Variants in NUP210 observed in about 807,000 individuals in gnomAD.
NUP210 encodes the protein nucleoporin 210, also known as nuclear pore membrane glycoprotein 210.
A neutral mutation model predicts 196.0 loss-of-function variants in NUP210; 151 were observed. That is an observed-to-expected ratio of 0.77 (90% CI 0.67 to 0.88). The LOEUF (loss-of-function observed/expected upper bound fraction) is 0.88. Among genes scored for constraint, NUP210 ranks in the 40% least tolerant of loss-of-function variants. NUP210 has a pLI of 0.00. For synonymous variants in NUP210, 1,070 were observed against 1,052.7 expected, an observed-to-expected ratio of 1.02 and a Z score of -0.32; for missense variants, 2,314 against 2,493.7, an observed-to-expected ratio of 0.93 and a Z score of 1.53.
At chr3:13,409,333 A>C (rs1346023422) in intron 1 of NUP210, among the ~76,000 whole-genome samples, 1 of 152,172 alleles carries the variant, frequency 6.6e-6, no homozygotes, top group Non-Finnish European at 1.5e-5. Flanking sequence ...ATGATGTCTG[A>C]GCCCTCATGG....
chr3:13,352,004 G>A (rs1391683039), intron 19 of NUP210, 24 bp from the exon 20 acceptor site: 3 of 1,607,138 alleles, frequency 1.9e-6, no homozygotes, highest in Non-Finnish European at 2.6e-6. Flanking sequence ...ATGCAGGGAG[G>A]GTTGGGCCGC....
chr3:13,392,043 A>G (rs1325587371), intron 3 of NUP210, among the ~76,000 whole-genome samples: 3 of 152,110 alleles, frequency 2.0e-5, no homozygotes, highest in Non-Finnish European at 2.9e-5. Flanking sequence ...AGAAGGGGCC[A>G]TGCCACACTC....
intron 18 of NUP210, among the ~76,000 whole-genome samples, 159 bp downstream of exon 18, chr3:13,353,395 A>T (rs1467213320): frequency 6.6e-6 from 1 of 152,050 alleles, no homozygotes; most frequent in East Asian, 1.9e-4. Flanking sequence ...TACTATTAAT[A>T]GCAGTGCCTC....
intron 28 of NUP210, 98 bp from the exon 29 acceptor site, chr3:13,332,482 C>T: frequency 1.1e-6 from 1 of 926,508 alleles, no homozygotes; most frequent in Non-Finnish European, 1.7e-6. Flanking sequence ...GAGGAGGGGC[C>T]AGAGAGGAGA....
chr3:13,401,827 G>A (rs9851563), intron 1 of NUP210, among the ~76,000 whole-genome samples: 34,148 of 151,832 alleles, frequency 0.22, 6,114 homozygotes, highest in African/African-American at 0.5. Context: ...TCCTAGATTC[G>A]ATCTGGGGGC....
chr3:13,420,200 C>G lies in NUP210; in HGVS notation c.27G>C (p.Leu9=). The change falls in exon 1 of 40, where the codon CTG becomes CTC. Residue 9 remains leucine (L), a synonymous_variant. Coordinates refer to ENST00000254508, the MANE Select transcript of NUP210 (RefSeq NM_024923.4). This position sits in a 1 kb window ranked among gnomAD's most constrained non-coding sequence, Gnocchi z 4.8. ...CCAACAGCACCGACAGCGTCAGCAGCAGCAGCCCCCGGCCCCGCGCCGCCA... is the reference window on the plus strand; with the variant it reads ...CCAACAGCACCGACAGCGTCAGCAGGAGCAGCCCCCGGCCCCGCGCCGCCA... MAARGRGL[L]LLTLSVLLAA... 2.5e-6 allele frequency: 3 copies of G among 1,202,802 alleles called. No individual in the cohort carries two copies. The highest frequency in any genetic ancestry group is 3.1e-6 in the Non-Finnish European group (3 of 957,048). The allele number at this position is 1,202,802 out of a possible 1,614,324, so 74.5% of individuals were successfully genotyped here.
At chr3:13,397,266 G>A in intron 3 of NUP210, 91 bp downstream of exon 3, 1 of 1,468,370 alleles carries the variant, frequency 6.8e-7, no homozygotes, top group Non-Finnish European at 9.2e-7. Flanking sequence ...TTGGATGCCA[G>A]AGGAGTGGGG....
At chr3:13,339,733 G>T in intron 25 of NUP210, 121 bp downstream of exon 25, 2 of 892,036 alleles carry the variant, frequency 2.2e-6, no homozygotes, top group Non-Finnish European at 3.5e-6. Context: ...AGTGACTGCA[G>T]ACCCAGGGGG....
Position 13,330,757 on chromosome 3 carries a change from C to A in NUP210, c.3936-123G>T, listed in dbSNP as rs554061369. On this transcript the variant is annotated intron_variant, in intron 29 of 39. Coordinates refer to ENST00000254508, the MANE Select transcript of NUP210 (RefSeq NM_024923.4). ...CTCCTGGGAGGAAAAAAGGCCCAAT[C>A]TTGGCCCCACGGACCTCAGGACCAC... 4 of 918,792 alleles carry A rather than the reference C, an allele frequency of 4.4e-6. No homozygotes were observed. The African/African-American group carries it at 6.6e-5, about 15-fold the overall frequency. The allele number at this position is 918,792 out of a possible 1,614,324, so 56.9% of individuals were successfully genotyped here.
intron 3 of NUP210, among the ~76,000 whole-genome samples, chr3:13,391,876 T>C (rs932397610): frequency 1.3e-5 from 2 of 152,010 alleles, no homozygotes; most frequent in East Asian, 1.9e-4. Flanking sequence ...TTGGCTCTTA[T>C]GTCCTGGCTT....
At chr3:13,336,079 CTGGGTGGGG>C (rs1364605526) in intron 27 of NUP210, among the ~76,000 whole-genome samples, 1 of 152,244 alleles carries the variant, frequency 6.6e-6, no homozygotes, top group Non-Finnish European at 1.5e-5. Flanking sequence ...TCTGTTCCCA[CTGGGTGGGG>C]TCGGGGGGCA....
In NUP210 at chr3:13,375,462, A is replaced by G. The variant is rs370025857; in HGVS notation, c.1431+42T>C. ...GGACAAAAAGCCACAATCCCATGAA[A>G]ACACCAAAGGAATGCACGCAGAGGT... On this transcript the variant is annotated intron_variant, in intron 11 of 39. Transcript: ENST00000254508. 86 of 1,574,114 alleles carry G rather than the reference A, an allele frequency of 5.5e-5. 1 individual carries two copies. Among genetic ancestry groups the G allele is most frequent in the Non-Finnish European group, 4.9e-5 (56 of 1,153,318 alleles).
At chr3:13,318,805 G>C (rs1388054279) in intron 39 of NUP210, among the ~76,000 whole-genome samples, 1 of 152,196 alleles carries the variant, frequency 6.6e-6, no homozygotes, top group Non-Finnish European at 1.5e-5. Context: ...TCCAGTCCTA[G>C]CATGCACTCC....
intron 1 of NUP210, among the ~76,000 whole-genome samples, chr3:13,413,308 A>G (rs972333763): frequency 5.3e-5 from 8 of 151,874 alleles, no homozygotes; most frequent in Admixed American, 6.6e-5. Flanking sequence ...TCTACTAAAA[A>G]TACAAAAAAA....
chr3:13,369,605 A>C (rs1559332243), intron 13 of NUP210, among the ~76,000 whole-genome samples: 1 of 152,164 alleles, frequency 6.6e-6, no homozygotes, highest in African/African-American at 2.4e-5. Context: ...GAGTTATGGA[A>C]GGGTCTAACT....
At chr3:13,357,639 G>A (rs950338047) in intron 16 of NUP210, among the ~76,000 whole-genome samples, 2 of 152,182 alleles carry the variant, frequency 1.3e-5, no homozygotes, top group Non-Finnish European at 2.9e-5. Flanking sequence ...CTTGGGCTCT[G>A]AATGCCCTAG....
rs188762641 is a variant in NUP210 at position 13,391,404 on chromosome 3, C to A, written c.437-97G>T. On this transcript the variant is annotated intron_variant, in intron 3 of 39. Coordinates refer to ENST00000254508, the MANE Select transcript of NUP210 (RefSeq NM_024923.4). ...GCTTCTGCCCCATGCAGGAACCACA[C>A]TCCACATCACCACCCACCAGGCAGG... 6.5e-4 allele frequency: 480 copies of A among 738,254 alleles called. 3 individuals carry two copies. The African/African-American group carries it at 7.4e-3, about 11-fold the overall frequency. The allele number at this position is 738,254 out of a possible 1,614,324, so 45.7% of individuals were successfully genotyped here.
In NUP210 at chr3:13,350,437, AAAAACAAAAC is replaced by A. The variant is rs139729376; in HGVS notation, c.2835+1432_2835+1441del. Among the ~76,000 whole-genome samples the A allele has an allele frequency of 0.051, 7,410 of 145,372 alleles. 613 individuals are homozygous for A. Among genetic ancestry groups the A allele is most frequent in the African/African-American group, 0.17 (6,887 of 39,506 alleles). On this transcript the variant is annotated intron_variant, in intron 20 of 39. Coordinates refer to ENST00000254508, the MANE Select transcript of NUP210 (RefSeq NM_024923.4). This position sits in a 1 kb window ranked among gnomAD's most constrained non-coding sequence, Gnocchi z 4.1. ...AGTTTCCAACAATTATAGGACATGA[AAAAACAAAAC>A]AAAACAAAACAAAACAAAACAAAAC... is the stretch of plus-strand genomic sequence containing the variant.
chr3:13,416,586 C>T (rs755274343), intron 1 of NUP210, among the ~76,000 whole-genome samples: 35 of 152,342 alleles, frequency 2.3e-4, no homozygotes, highest in Non-Finnish European at 4.0e-4. Context: ...TCAGGCTCCA[C>T]CCCTGGGAAA....
Sources: gnomAD v4.1 joint callset for allele counts (sites outside exome capture counted in the v4.1 genomes callset) on GRCh38, gnomAD v4.1.1 for gene constraint, Gnocchi (gnomAD v3.1) non-coding constraint, MANE v1.5 for transcripts, NCBI Gene and HGNC (gene_info 2026-07-23, HGNC 2026-07-21) for gene names.